CDH12: variants seen among roughly 807,000 people sequenced by gnomAD.
CDH12 encodes cadherin-12.
CDH12 carries 41 observed loss-of-function variants against 74.1 expected under a neutral mutation model. The ratio of observed to expected loss-of-function variants is 0.55; its 90% CI spans 0.43 to 0.72. CDH12 has a LOEUF of 0.72. Among genes scored for constraint, CDH12 ranks in the 30% least tolerant of loss-of-function variants. CDH12 has a pLI of 0.00. For missense variants in CDH12, 945 were observed against 977.2 expected (o/e 0.97, Z 0.44); for synonymous variants, 399 against 355.0 (o/e 1.12, Z -1.39).
chr5:22,196,008 A>C (rs565436948), intron 4 of CDH12, among the ~76,000 whole-genome samples: 1 of 152,308 alleles, frequency 6.6e-6, no homozygotes, highest in Non-Finnish European at 1.5e-5. Context: ...GATTTAAATA[A>C]GAACGTTCTA....
intron 4 of CDH12, among the ~76,000 whole-genome samples, chr5:22,169,622 A>G (rs1414506730): frequency 6.6e-6 from 1 of 151,944 alleles, no homozygotes; most frequent in Non-Finnish European, 1.5e-5. Context: ...GATAGACATT[A>G]CTTTTCAGGG....
chr5:22,787,674 T>C (rs904780581), intron 1 of CDH12, among the ~76,000 whole-genome samples: 1 of 152,206 alleles, frequency 6.6e-6, no homozygotes, highest in Non-Finnish European at 1.5e-5. Flanking sequence ...AGGGCGCCTT[T>C]GGCTCAGGAT....
chr5:22,057,158 C>T (rs1172341962), intron 5 of CDH12, among the ~76,000 whole-genome samples: 2 of 152,146 alleles, frequency 1.3e-5, no homozygotes, highest in African/African-American at 2.4e-5. Flanking sequence ...CTCAACTTCA[C>T]CATTGTAGTG....
chr5:22,188,478 G>A (rs1348945948), intron 4 of CDH12, among the ~76,000 whole-genome samples: 6 of 152,082 alleles, frequency 3.9e-5, no homozygotes, highest in Non-Finnish European at 5.9e-5. Context: ...AGAGAGAGAG[G>A]CAGGATGCTT....
In CDH12 at chr5:22,742,239, G is replaced by GAAAGA. The variant is rs546068760; in HGVS notation, c.-523+110814_-523+110818dup. On this transcript the variant is annotated intron_variant, in intron 1 of 14. Coordinates refer to ENST00000382254, the MANE Select transcript of CDH12 (RefSeq NM_004061.5). ...GAGAGAGAGAAAGAAAGAGAGAAAG[G>GAAAGA]AAAGAAAAGAAAAGAAAAGACCTTC... is the stretch of plus-strand genomic sequence containing the variant. 1.5e-3 allele frequency among the ~76,000 whole-genome samples: 231 copies of GAAAGA among 151,624 alleles called. 1 individual carries two copies. Among genetic ancestry groups the GAAAGA allele is most frequent in the African/African-American group, 5.0e-3 (206 of 41,396 alleles).
chr5:22,847,340 A>G (rs1373765774), intron 1 of CDH12, among the ~76,000 whole-genome samples: 1 of 152,186 alleles, frequency 6.6e-6, no homozygotes, highest in Non-Finnish European at 1.5e-5. Context: ...CCTGCCTGCA[A>G]TCACATCCCT....
chr5:21,833,378 T>G (rs925322643), intron 8 of CDH12, among the ~76,000 whole-genome samples: 1 of 90,404 alleles, frequency 1.1e-5, no homozygotes, highest in East Asian at 3.0e-4. Context: ...ATAGTATAAT[T>G]ATATATAATT....
intron 4 of CDH12, among the ~76,000 whole-genome samples, chr5:22,158,511 C>G (rs936447804): frequency 6.6e-6 from 1 of 151,972 alleles, no homozygotes; most frequent in African/African-American, 2.4e-5. Flanking sequence ...ACCTTGTACT[C>G]ACATAATGAA....
At chr5:22,255,413 T>C (rs1406817934) in intron 3 of CDH12, among the ~76,000 whole-genome samples, 1 of 151,848 alleles carries the variant, frequency 6.6e-6, no homozygotes, top group Non-Finnish European at 1.5e-5. Context: ...AAAATATGTA[T>C]GCTAAAAACA....
rs1159408926 is a variant in CDH12 at position 22,511,025 on chromosome 5, G to C, written c.-522-5661C>G. ...TTCTCCTGCCTCAGCCTCCTAAGTA[G>C]CTGGGATTACAGACACCCACCACCA... is the stretch of plus-strand genomic sequence containing the variant. On this transcript the variant is annotated intron_variant, in intron 1 of 14. Transcript: ENST00000382254. 2.6e-5 allele frequency among the ~76,000 whole-genome samples: 4 copies of C among 151,876 alleles called. No homozygotes were observed. The South Asian group carries it at 8.3e-4, about 32-fold the overall frequency.
chr5:22,705,499 G>GCGCACACACACA (rs1554060459), intron 1 of CDH12, among the ~76,000 whole-genome samples: 1 of 143,486 alleles, frequency 7.0e-6, no homozygotes, highest in African/African-American at 2.5e-5. Context: ...CAACACACAT[G>GCGCACACACACA]CACACACACA....
chr5:22,110,385 G>A (rs1401155805), intron 4 of CDH12, among the ~76,000 whole-genome samples: 2 of 151,784 alleles, frequency 1.3e-5, no homozygotes, highest in Non-Finnish European at 2.9e-5. Context: ...ATGAGGCCAG[G>A]TACGCTACAT....
chr5:22,180,790 C>T lies in CDH12; in HGVS notation c.-187+31708G>A, dbSNP rs1252291158. On this transcript the variant is annotated intron_variant, in intron 4 of 14. Coordinates refer to ENST00000382254, the MANE Select transcript of CDH12 (RefSeq NM_004061.5). ...TGCTGGGATTATGGGCATGAGCCAC[C>T]GTGCCCAGCCAGTTTTTGAATTTGA... Among the ~76,000 whole-genome samples, 5 of 151,986 alleles carry T rather than the reference C, an allele frequency of 3.3e-5. No homozygotes were observed. The South Asian group carries it at 6.2e-4, about 19-fold the overall frequency.
At chr5:22,082,228 A>C (rs896420011) in intron 4 of CDH12, among the ~76,000 whole-genome samples, 2 of 152,300 alleles carry the variant, frequency 1.3e-5, no homozygotes, top group Non-Finnish European at 2.9e-5. Flanking sequence ...CAACCTCAGC[A>C]TATGATTTAT....
intron 4 of CDH12, among the ~76,000 whole-genome samples, chr5:22,190,610 T>G (rs911267570): frequency 6.6e-6 from 1 of 152,206 alleles, no homozygotes; most frequent in Admixed American, 6.5e-5. Flanking sequence ...TTTCTTATGG[T>G]TTGGCTGTGA....
chr5:22,564,264 T>G (rs543692049), intron 1 of CDH12, among the ~76,000 whole-genome samples: 2 of 152,236 alleles, frequency 1.3e-5, no homozygotes, highest in Admixed American at 1.3e-4. Flanking sequence ...TGAAACTATT[T>G]TGGAGTTCTA....
At chr5:22,591,831 A>G (rs1019937271) in intron 1 of CDH12, among the ~76,000 whole-genome samples, 20 of 152,300 alleles carry the variant, frequency 1.3e-4, no homozygotes, top group African/African-American at 4.6e-4. Context: ...TTAAAACTGT[A>G]TGTTGGCATT....
At chr5:22,051,658 G>A (rs1740377492) in intron 5 of CDH12, among the ~76,000 whole-genome samples, 1 of 152,056 alleles carries the variant, frequency 6.6e-6, no homozygotes, top group Non-Finnish European at 1.5e-5. Context: ...CAATAAAAGA[G>A]TCTTTCTTTT....
At chr5:22,515,221 G>A (rs1049634950) in intron 1 of CDH12, among the ~76,000 whole-genome samples, 1 of 152,056 alleles carries the variant, frequency 6.6e-6, no homozygotes, top group Non-Finnish European at 1.5e-5. Flanking sequence ...GACATATCCT[G>A]TCATTGAATC....
Sources: allele counts gnomAD v4.1 joint callset (sites outside exome capture counted in the v4.1 genomes callset), GRCh38; gene constraint gnomAD v4.1.1; transcripts MANE v1.5; gene names NCBI Gene and HGNC (gene_info 2026-07-23, HGNC 2026-07-21).